The following ALDH1A2 variants were observed in gnomAD, a reference collection of about 807,000 sequenced individuals.
ALDH1A2 encodes retinal dehydrogenase 2.
ALDH1A2 carries 27 observed loss-of-function variants against 60.3 expected under a neutral mutation model. That is an observed-to-expected ratio of 0.45 (90% CI 0.33 to 0.62). The LOEUF is 0.62. ALDH1A2 is among the 20% of genes least tolerant of loss of function. The pLI is 0.02. For synonymous variants in ALDH1A2, 289 were observed against 232.4 expected (o/e 1.24, Z -2.21); for missense variants, 581 against 643.8 (o/e 0.90, Z 1.06).
At chr15:58,022,010 G>A (rs185858258) in intron 1 of ALDH1A2, among the ~76,000 whole-genome samples, 35 of 152,294 alleles carry the variant, frequency 2.3e-4, no homozygotes, top group Admixed American at 2.6e-4. Flanking sequence ...CCCACCTGCC[G>A]GTCCAGGCTG....
At chr15:57,974,668 T>C (rs1200097311) in intron 7 of ALDH1A2, among the ~76,000 whole-genome samples, 2 of 151,976 alleles carry the variant, frequency 1.3e-5, no homozygotes, top group Non-Finnish European at 2.9e-5. Flanking sequence ...ACTATAAAAT[T>C]TCTAGAAAAA....
At chr15:58,047,912 T>G (rs1896674723) in intron 1 of ALDH1A2, among the ~76,000 whole-genome samples, 1 of 152,062 alleles carries the variant, frequency 6.6e-6, no homozygotes, top group East Asian at 1.9e-4. Flanking sequence ...TGTTTTGATA[T>G]TATAGGGACA....
intron 1 of ALDH1A2, among the ~76,000 whole-genome samples, chr15:58,031,472 A>G (rs1896238614): frequency 6.6e-6 from 1 of 152,240 alleles, no homozygotes; most frequent in Admixed American, 6.5e-5. Flanking sequence ...CTTCATGACT[A>G]AAACACCAAA....
chr15:58,054,836 GTTCT>G (rs1297272036), intron 1 of ALDH1A2, among the ~76,000 whole-genome samples: 38 of 152,230 alleles, frequency 2.5e-4, no homozygotes, highest in African/African-American at 7.0e-4. Context: ...GAAAAACATC[GTTCT>G]TTATCATAAC....
intron 4 of ALDH1A2, among the ~76,000 whole-genome samples, chr15:58,003,614 G>C (rs149719105): frequency 6.6e-6 from 1 of 151,760 alleles, no homozygotes; most frequent in Non-Finnish European, 1.5e-5. Context: ...ACTTGCTACA[G>C]AGAAAAATCT....
intron 12 of ALDH1A2, among the ~76,000 whole-genome samples, chr15:57,956,158 C>T (rs1343012646): frequency 6.6e-6 from 1 of 152,064 alleles, no homozygotes; most frequent in African/African-American, 2.4e-5. Flanking sequence ...AGGGTATAGC[C>T]TACAACAGCA....
At chr15:57,989,335 G>A (rs1894816091) in intron 7 of ALDH1A2, among the ~76,000 whole-genome samples, 1 of 152,222 alleles carries the variant, frequency 6.6e-6, no homozygotes, top group Admixed American at 6.5e-5. Flanking sequence ...GGTAAAGATA[G>A]CATTTTTCCT....
At chr15:57,995,037 T>C (rs765752318) in intron 5 of ALDH1A2, 41 bp downstream of exon 5, 3 of 1,557,166 alleles carry the variant, frequency 1.9e-6, no homozygotes, top group South Asian at 2.2e-5. Context: ...GAGAACTGGG[T>C]CAAATGAAAA....
chr15:57,985,778 TTCA>T (rs1376868327), intron 7 of ALDH1A2, among the ~76,000 whole-genome samples: 2 of 152,170 alleles, frequency 1.3e-5, no homozygotes, highest in African/African-American at 2.4e-5. Flanking sequence ...CCCACAAATC[TTCA>T]TATATGACCA....
At chr15:57,984,435 T>C (rs537795174) in intron 7 of ALDH1A2, among the ~76,000 whole-genome samples, 1 of 152,354 alleles carries the variant, frequency 6.6e-6, no homozygotes, top group Non-Finnish European at 1.5e-5. Flanking sequence ...GATTTTAGTA[T>C]ATTAACAGAG....
chr15:58,030,318 G>C (rs1221008821), intron 1 of ALDH1A2, among the ~76,000 whole-genome samples: 4 of 152,062 alleles, frequency 2.6e-5, no homozygotes, highest in African/African-American at 9.7e-5. Flanking sequence ...ATGCAGAAAA[G>C]GCCTTCAACA....
At chr15:58,040,446 C>T (rs760408267) in intron 1 of ALDH1A2, among the ~76,000 whole-genome samples, 8 of 152,020 alleles carry the variant, frequency 5.3e-5, no homozygotes, top group East Asian at 3.9e-4. Context: ...TCAGATACAA[C>T]GAACGTTATG....
At chr15:57,974,973 C>T (rs913916945) in intron 7 of ALDH1A2, among the ~76,000 whole-genome samples, 1 of 152,326 alleles carries the variant, frequency 6.6e-6, no homozygotes, top group African/African-American at 2.4e-5. Context: ...AATGAAAAGA[C>T]ACTCAATGGT....
intron 1 of ALDH1A2, among the ~76,000 whole-genome samples, chr15:58,032,526 C>T (rs570698006): frequency 1.3e-5 from 2 of 151,908 alleles, no homozygotes; most frequent in East Asian, 3.9e-4. Flanking sequence ...ACAAAAATAA[C>T]AAATGCCAGC....
chr15:58,045,076 A>T (rs1220070419), intron 1 of ALDH1A2, among the ~76,000 whole-genome samples: 1 of 152,174 alleles, frequency 6.6e-6, no homozygotes, highest in Non-Finnish European at 1.5e-5. Context: ...CCCATTAAAA[A>T]GTGGGCAAAG....
chr15:58,022,550 G>T (rs1895958606), intron 1 of ALDH1A2, among the ~76,000 whole-genome samples: 1 of 152,032 alleles, frequency 6.6e-6, no homozygotes, highest in Non-Finnish European at 1.5e-5. Context: ...CCACCTCAAG[G>T]CCAAGAATCA....
chr15:57,991,426 TTC>T (rs1894893519), intron 7 of ALDH1A2: 1 of 152,204 alleles, frequency 6.6e-6, no homozygotes, highest in Non-Finnish European at 1.5e-5. Flanking sequence ...TGAATTAATA[TTC>T]AAGTTTATTA....
In ALDH1A2 at chr15:57,963,867, T is replaced by C; in HGVS notation, c.1086+18A>G. On this transcript the variant is annotated intron_variant, in intron 9 of 12. Coordinates refer to ENST00000249750, the MANE Select transcript of ALDH1A2 (RefSeq NM_003888.4). Reference sequence around the variant, plus strand: ...TCAAGGATTAAGTAAACAAAGGGAATGGTTATGATTTTTCTACCTGGGGAC... The same window carrying C: ...TCAAGGATTAAGTAAACAAAGGGAACGGTTATGATTTTTCTACCTGGGGAC... 1 of 1,613,854 alleles carries C rather than the reference T, an allele frequency of 6.2e-7. No individual in the cohort carries two copies. Among genetic ancestry groups the C allele is most frequent in the South Asian group, 1.1e-5 (1 of 91,072 alleles).
intron 7 of ALDH1A2, among the ~76,000 whole-genome samples, chr15:57,967,860 A>G (rs1469232405): frequency 2.0e-5 from 3 of 152,174 alleles, no homozygotes; most frequent in Admixed American, 6.5e-5. Flanking sequence ...GTCTCAGTAA[A>G]GGCCCTGTTC....
Sources: allele counts gnomAD v4.1 joint callset (sites outside exome capture counted in the v4.1 genomes callset), GRCh38; gene constraint gnomAD v4.1.1; transcripts MANE v1.5; gene names NCBI Gene and HGNC (gene_info 2026-07-23, HGNC 2026-07-21).